Variants in SOX5 observed in about 807,000 individuals in gnomAD.
The protein encoded by SOX5 is transcription factor SOX-5.
Under a neutral mutation model 92.0 loss-of-function variants are expected in SOX5, and 9 were observed. The ratio of observed to expected loss-of-function variants is 0.10; its 90% CI spans 0.06 to 0.17. The LOEUF (loss-of-function observed/expected upper bound fraction) is 0.17. SOX5 is among the 10% of genes least tolerant of loss of function. SOX5 has a pLI of 1.00. For synonymous variants in SOX5, 344 were observed against 336.3 expected (o/e 1.02, Z -0.25); for missense variants, 642 against 944.5 (o/e 0.68, Z 4.20).
At position 23,572,466 on chromosome 12, in the gene SOX5, AAAG is replaced by A. The variant is rs780009161; in HGVS notation, c.1342+3192_1342+3194del. ...TGAAAGGACTTTTCAGAAAAAAAAA[AAAG>A]AGATGTTTTAGTAGTGGGGAAAGTC... is the stretch of plus-strand genomic sequence containing the variant. On this transcript the variant is annotated intron_variant, in intron 10 of 14. Coordinates refer to ENST00000451604, the MANE Select transcript of SOX5 (RefSeq NM_006940.6). 6.2e-4 allele frequency among the ~76,000 whole-genome samples: 94 copies of A among 152,314 alleles called. 1 individual carries two copies. Among genetic ancestry groups the A allele is most frequent in the Middle Eastern group, 3.4e-3 (1 of 294 alleles).
At chr12:23,577,255 T>C (rs977379758) in intron 9 of SOX5, among the ~76,000 whole-genome samples, 16 of 141,634 alleles carry the variant, frequency 1.1e-4, no homozygotes, top group Admixed American at 7.5e-5. Flanking sequence ...AGTGCAGTGG[T>C]GCAATCTCGG....
At chr12:23,746,469 G>A (rs1455619687) in intron 4 of SOX5, among the ~76,000 whole-genome samples, 1 of 152,120 alleles carries the variant, frequency 6.6e-6, no homozygotes, top group African/African-American at 2.4e-5. Flanking sequence ...GTTCACTTGT[G>A]TGTGACTGAT....
intron 4 of SOX5, among the ~76,000 whole-genome samples, chr12:23,993,619 G>A (rs1292664210): frequency 6.6e-6 from 1 of 151,760 alleles, no homozygotes; most frequent in Non-Finnish European, 1.5e-5. Context: ...AAGTCACATG[G>A]GATCCAAAAT....
At chr12:23,715,821 A>C (rs867473623) in intron 6 of SOX5, among the ~76,000 whole-genome samples, 6 of 143,132 alleles carry the variant, frequency 4.2e-5, no homozygotes, top group Admixed American at 1.4e-4. Flanking sequence ...AAAAAAAAAA[A>C]AAAAAAAAAA....
intron 1 of SOX5, among the ~76,000 whole-genome samples, chr12:24,448,738 T>G (rs562590183): frequency 6.6e-6 from 1 of 152,290 alleles, no homozygotes; most frequent in African/African-American, 2.4e-5. Context: ...GTAGACCTTT[T>G]TAACTACGTT....
chr12:24,498,727 C>T (rs1161966791), intron 1 of SOX5, among the ~76,000 whole-genome samples: 2 of 152,154 alleles, frequency 1.3e-5, no homozygotes, highest in Admixed American at 6.5e-5. Flanking sequence ...CAGATCATTA[C>T]ACCCTTCGGC....
intron 6 of SOX5, among the ~76,000 whole-genome samples, chr12:23,713,607 C>T (rs936654591): frequency 6.6e-6 from 1 of 150,858 alleles, no homozygotes; most frequent in Non-Finnish European, 1.5e-5. Flanking sequence ...CTTTCATGTT[C>T]CACTATTAAT....
chr12:23,554,557 A>G (rs1053687350), intron 11 of SOX5, among the ~76,000 whole-genome samples: 3 of 152,178 alleles, frequency 2.0e-5, no homozygotes, highest in African/African-American at 7.2e-5. Flanking sequence ...CAAGTTAAAA[A>G]ATTGTTTTAA....
intron 4 of SOX5, among the ~76,000 whole-genome samples, chr12:24,148,448 T>C (rs1279059172): frequency 7.5e-6 from 1 of 133,944 alleles, no homozygotes; most frequent in Non-Finnish European, 1.5e-5. Flanking sequence ...TGAGCTGAGA[T>C]TGTACCACTG....
At chr12:24,428,079 G>T (rs973908422) in intron 1 of SOX5, among the ~76,000 whole-genome samples, 1 of 151,878 alleles carries the variant, frequency 6.6e-6, no homozygotes, top group South Asian at 2.1e-4. Flanking sequence ...TCATCTTTCA[G>T]CTTTTTTAAG....
At chr12:23,881,459 C>T (rs2096988921) in intron 2 of SOX5, among the ~76,000 whole-genome samples, 1 of 152,158 alleles carries the variant, frequency 6.6e-6, no homozygotes. Context: ...ACATACAATA[C>T]ACACCCTCTC....
At chr12:23,948,077 T>C (rs867703808) in intron 1 of SOX5, among the ~76,000 whole-genome samples, 14 of 152,192 alleles carry the variant, frequency 9.2e-5, no homozygotes, top group Middle Eastern at 3.4e-3. Flanking sequence ...AACTTCAACA[T>C]CTACCTATGA....
At chr12:24,094,450 G>A (rs968358346) in intron 4 of SOX5, among the ~76,000 whole-genome samples, 1 of 129,394 alleles carries the variant, frequency 7.7e-6, no homozygotes, top group Non-Finnish European at 1.6e-5. Flanking sequence ...TCCACTATTA[G>A]TGGCTTTTTT....
At chr12:23,788,278 T>C (rs1222139418) in intron 3 of SOX5, among the ~76,000 whole-genome samples, 1 of 152,132 alleles carries the variant, frequency 6.6e-6, no homozygotes, top group East Asian at 1.9e-4. Flanking sequence ...GTACAATTGC[T>C]AGGGCATCCT....
chr12:23,853,490 T>A (rs1469898682), intron 2 of SOX5, among the ~76,000 whole-genome samples: 1 of 151,314 alleles, frequency 6.6e-6, no homozygotes, highest in Non-Finnish European at 1.5e-5. Flanking sequence ...GAAACAGTTT[T>A]AAAAATATCT....
chr12:24,247,938 G>A (rs1939211537), intron 3 of SOX5, among the ~76,000 whole-genome samples: 1 of 152,074 alleles, frequency 6.6e-6, no homozygotes, highest in African/African-American at 2.4e-5. Flanking sequence ...ACAGGCGTGA[G>A]CCACGGCACC....
At position 23,533,235 on chromosome 12, in the gene SOX5, C is replaced by T. The variant is rs1350004587; in HGVS notation, c.*984G>A. ...TCCAACGTTATTCCTATTATTAGTA[C>T]CATAATCACATACATACATACACAC... On this transcript the variant is annotated 3_prime_UTR_variant, in exon 15 of 15. Coordinates refer to ENST00000451604, the MANE Select transcript of SOX5 (RefSeq NM_006940.6). The T allele has an allele frequency of 4.4e-6, 2 of 453,790 alleles. No homozygotes were observed. The highest frequency in any genetic ancestry group is 4.0e-5 in the African/African-American group (2 of 49,942). The allele number at this position is 453,790 out of a possible 1,614,324, so 28.1% of individuals were successfully genotyped here.
At chr12:24,277,662 C>T (rs886500143) in intron 2 of SOX5, among the ~76,000 whole-genome samples, 2 of 150,696 alleles carry the variant, frequency 1.3e-5, no homozygotes, top group African/African-American at 2.4e-5. Context: ...CATTATAAAG[C>T]CACCACAATT....
intron 6 of SOX5, among the ~76,000 whole-genome samples, chr12:23,710,574 C>T (rs570774261): frequency 6.6e-6 from 1 of 152,146 alleles, no homozygotes; most frequent in Non-Finnish European, 1.5e-5. Flanking sequence ...ATGAACTCAT[C>T]CTTTTTTATG....
Sources: gnomAD v4.1 joint callset for allele counts (sites outside exome capture counted in the v4.1 genomes callset) on GRCh38, gnomAD v4.1.1 for gene constraint, MANE v1.5 for transcripts, NCBI Gene and HGNC (gene_info 2026-07-23, HGNC 2026-07-21) for gene names.